Variants in TRPC3 observed in about 807,000 individuals in gnomAD.
TRPC3 encodes the protein transient receptor potential cation channel subfamily C member 3.
In TRPC3, 54 loss-of-function variants were observed where a neutral mutation model predicts 90.9. The ratio of observed to expected loss-of-function variants is 0.59; its 90% confidence interval spans 0.48 to 0.75. The LOEUF is 0.75. Among genes scored for constraint, TRPC3 ranks in the 30% least tolerant of loss-of-function variants. TRPC3 has a pLI of 0.00. For synonymous variants in TRPC3, 424 were observed against 450.9 expected (o/e 0.94, Z 0.75); for missense variants, 918 against 1,194.5 (o/e 0.77, Z 3.41).
chr4:121,928,345 TA>T (rs1159729577), intron 2 of TRPC3, among the ~76,000 whole-genome samples: 1 of 152,152 alleles, frequency 6.6e-6, no homozygotes, highest in Non-Finnish European at 1.5e-5. Context: ...GTGCAGAAAA[TA>T]ATCAGAGCTG....
chr4:121,890,928 T>C lies in TRPC3; in HGVS notation c.2548-8499A>G, dbSNP rs574745690. On this transcript the variant is annotated intron_variant, in intron 10 of 11. Transcript: ENST00000379645. Reference sequence around the variant, plus strand: ...ATCACTTGAACCTGGGAGGTGGAGATTGCAGTGAGCCGAGATCACGCCACT... The same window carrying C: ...ATCACTTGAACCTGGGAGGTGGAGACTGCAGTGAGCCGAGATCACGCCACT... 4.4e-3 allele frequency among the ~76,000 whole-genome samples: 666 copies of C among 151,834 alleles called. 5 individuals carry two copies. The highest frequency in any genetic ancestry group is 7.4e-3 in the Non-Finnish European group (506 of 67,962).
At chr4:121,903,647 C>T (rs1271721793) in intron 8 of TRPC3, among the ~76,000 whole-genome samples, 1 of 152,108 alleles carries the variant, frequency 6.6e-6, no homozygotes, top group Non-Finnish European at 1.5e-5. Flanking sequence ...ACCACCCTAA[C>T]TGATAGGAGA....
At chr4:121,908,436 T>C (rs939352812) in intron 6 of TRPC3, among the ~76,000 whole-genome samples, 2 of 152,132 alleles carry the variant, frequency 1.3e-5, no homozygotes, top group African/African-American at 2.4e-5. Flanking sequence ...TGCATCTTCA[T>C]TGCAGCACTA....
At position 121,951,461 on chromosome 4, in the gene TRPC3, C is replaced by T. The variant is rs1730748849; in HGVS notation, c.215+5G>A. The T allele has an allele frequency of 8.0e-7, 1 of 1,245,780 alleles. No homozygotes were observed. Among genetic ancestry groups the T allele is most frequent in the Non-Finnish European group, 1.0e-6 (1 of 993,236 alleles). 77.2% of individuals were successfully genotyped at this position (1,245,780 alleles called of 1,614,324 possible). Reference sequence around the variant, plus strand: ...GCGCGGGCCGCGGCCGGGCCCGGTACTCACAGGTCCGGCCCGTGGGAGAAG... The same window carrying T: ...GCGCGGGCCGCGGCCGGGCCCGGTATTCACAGGTCCGGCCCGTGGGAGAAG... On this transcript the variant is annotated splice_donor_5th_base_variant and intron_variant, in intron 1 of 11. Coordinates refer to ENST00000379645, the MANE Select transcript of TRPC3 (RefSeq NM_001130698.2). The surrounding 1 kb of genome is among the most constrained non-coding windows in gnomAD (Gnocchi z 4.4).
At chr4:121,888,224 T>C (rs1472730871) in intron 10 of TRPC3, among the ~76,000 whole-genome samples, 1 of 152,176 alleles carries the variant, frequency 6.6e-6, no homozygotes, top group African/African-American at 2.4e-5. Flanking sequence ...ATCTCTGTCT[T>C]TGAAGAAATT....
chr4:121,926,835 T>G (rs559085835), intron 2 of TRPC3, among the ~76,000 whole-genome samples: 4 of 152,336 alleles, frequency 2.6e-5, no homozygotes, highest in Admixed American at 2.0e-4. Context: ...ACCAGCAGCA[T>G]CAGCAGCACC....
At chr4:121,899,803 G>T in intron 9 of TRPC3, 108 bp from the exon 10 acceptor site, 1 of 840,514 alleles carries the variant, frequency 1.2e-6, no homozygotes, top group Non-Finnish European at 1.9e-6. Context: ...ACATTCCCAA[G>T]AAACATTTTG....
rs562086078 is a variant in TRPC3, at chr4:121,922,116, G to A, written c.1176+2902C>T. On this transcript the variant is annotated intron_variant, in intron 3 of 11. Transcript: ENST00000379645. ...TTGTATGTTTTTTAGTAGAGACAGGGTTTCACCATGTTAGCCAGGATGGTC... is the reference window on the plus strand; with the variant it reads ...TTGTATGTTTTTTAGTAGAGACAGGATTTCACCATGTTAGCCAGGATGGTC... 2.4e-4 allele frequency among the ~76,000 whole-genome samples: 37 copies of A among 151,884 alleles called. 1 individual carries two copies. The highest frequency in any genetic ancestry group is 8.7e-4 in the African/African-American group (36 of 41,416).
At chr4:121,931,220 T>C (rs2149141212) in intron 2 of TRPC3, among the ~76,000 whole-genome samples, 2 of 152,320 alleles carry the variant, frequency 1.3e-5, no homozygotes, top group Admixed American at 1.3e-4. Context: ...ATAAAAACCA[T>C]ATTCAGATGT....
chr4:121,881,340 C>T (rs1727935093), intron 11 of TRPC3, among the ~76,000 whole-genome samples: 1 of 152,086 alleles, frequency 6.6e-6, no homozygotes, highest in Admixed American at 6.6e-5. Flanking sequence ...GGAAATGCTT[C>T]TTGTTTTTTA....
At chr4:121,950,279 G>A (rs944066095) in intron 1 of TRPC3, among the ~76,000 whole-genome samples, 3 of 152,210 alleles carry the variant, frequency 2.0e-5, no homozygotes, top group Admixed American at 6.5e-5. Flanking sequence ...CGCGCGCGGA[G>A]CAGCGCGCGA....
intron 10 of TRPC3, among the ~76,000 whole-genome samples, chr4:121,893,477 C>G (rs1728403487): frequency 1.3e-5 from 2 of 152,036 alleles, no homozygotes; most frequent in African/African-American, 4.8e-5. Flanking sequence ...GGATTCCCAT[C>G]CTACAGGTTA....
Position 121,876,717 on chromosome 4 carries a change from C to T in TRPC3, c.*3019G>A, listed in dbSNP as rs1204457031. 6.6e-6 allele frequency among the ~76,000 whole-genome samples: 1 copy of T among 152,106 alleles called. No homozygotes were observed. The highest frequency in any genetic ancestry group is 1.5e-5 in the Non-Finnish European group (1 of 68,020). On this transcript the variant is annotated 3_prime_UTR_variant, in exon 12 of 12. Coordinates refer to ENST00000379645, the MANE Select transcript of TRPC3 (RefSeq NM_001130698.2). The stretch of plus-strand genomic sequence containing the variant: ...TCTGTACCATTTTTCAAAGTTTTCT[C>T]ATTATTTCAAGTCTAAGAACCCAAA...
intron 10 of TRPC3, among the ~76,000 whole-genome samples, chr4:121,894,287 A>G (rs1011122988): frequency 6.6e-6 from 1 of 152,172 alleles, no homozygotes; most frequent in Non-Finnish European, 1.5e-5. Flanking sequence ...TAAGGGGATC[A>G]GCTCAGCAAG....
chr4:121,907,739 C>T (rs554997464), intron 6 of TRPC3, among the ~76,000 whole-genome samples, 172 bp from the exon 7 acceptor site: 4 of 152,122 alleles, frequency 2.6e-5, no homozygotes, highest in South Asian at 2.1e-4. Context: ...AAACCAGAAA[C>T]GTAAATTCTA....
At position 121,882,463 on chromosome 4, in the gene TRPC3, T is replaced by C. The variant is rs750105910; in HGVS notation, c.2548-34A>G. The stretch of plus-strand genomic sequence containing the variant: ...CAAAAGTAAATGATTAGATCTCCAA[T>C]GATATACATAAGTGCCCCAATCCTA... On this transcript the variant is annotated intron_variant, in intron 10 of 11. Transcript: ENST00000379645. 7.5e-6 allele frequency: 12 copies of C among 1,593,434 alleles called. 1 individual carries two copies. The South Asian group carries it at 1.2e-4, about 16-fold the overall frequency.
At position 121,951,643 on chromosome 4, in the gene TRPC3, C is replaced by T; in HGVS notation, c.38G>A (p.Arg13Lys). The change falls in exon 1 of 12, where the codon AGG becomes AAG. Residue 13 changes from arginine (R) to lysine (K), a missense_variant. Arg to Lys is a conservative substitution (Grantham distance 26, BLOSUM62 2). This residue lies in a region of TRPC3 where 609 missense variants were observed against 725.9 expected (regional missense o/e 0.84). Coordinates refer to ENST00000379645, the MANE Select transcript of TRPC3 (RefSeq NM_001130698.2). The surrounding 1 kb of genome is among the most constrained non-coding windows in gnomAD (Gnocchi z 4.4). ...TKVRKCKEQA[R>K]VTFPAPEEEE... is the part of the protein sequence containing the mutation. ...CTCCTCCGGCGCCGGGAAGGTCACC[C>T]TTGCTTGTTCTTTGCACTTCCTGAC... 8 of 1,403,202 alleles carry T rather than the reference C, an allele frequency of 5.7e-6. No individual in the cohort carries two copies. Among genetic ancestry groups the T allele is most frequent in the Non-Finnish European group, 7.5e-6 (8 of 1,069,372 alleles). 86.9% of individuals were successfully genotyped at this position (1,403,202 alleles called of 1,614,324 possible). A position where few individuals can be genotyped will look rare whatever the true frequency, so the allele number is the denominator to read the frequency against.
chr4:121,911,462 A>G (rs1305559583), intron 5 of TRPC3, among the ~76,000 whole-genome samples: 1 of 152,228 alleles, frequency 6.6e-6, no homozygotes, highest in Non-Finnish European at 1.5e-5. Context: ...ACCTAATAAC[A>G]AACATTCTGA....
At chr4:121,885,347 C>A (rs1161263599) in intron 10 of TRPC3, among the ~76,000 whole-genome samples, 2 of 152,148 alleles carry the variant, frequency 1.3e-5, no homozygotes, top group South Asian at 4.1e-4. Flanking sequence ...CTCCCCCTAT[C>A]GCAATAGTTC....
Sources: gnomAD v4.1 joint callset for allele counts (sites outside exome capture counted in the v4.1 genomes callset) on GRCh38, gnomAD v4.1.1 for gene constraint, gnomAD v4.1.1 regional missense constraint, Gnocchi (gnomAD v3.1) non-coding constraint, MANE v1.5 for transcripts, NCBI Gene and HGNC (gene_info 2026-07-23, HGNC 2026-07-21) for gene names.